KCNN3: variants seen among roughly 807,000 people sequenced by gnomAD.
The protein encoded by KCNN3 is potassium calcium-activated channel subfamily N member 3.
Under a neutral mutation model 62.9 loss-of-function variants are expected in KCNN3, and 16 were observed. The observed-to-expected ratio is 0.25, with a 90% CI of 0.17 to 0.39. The LOEUF (loss-of-function observed/expected upper bound fraction) is 0.39. KCNN3 is among the 10% of genes least tolerant of loss of function. The pLI is 1.00. For synonymous variants in KCNN3, 370 were observed against 389.2 expected (o/e 0.95, Z 0.58); for missense variants, 599 against 949.4 (o/e 0.63, Z 4.85).
chr1:154,736,365 G>GAC lies in KCNN3; in HGVS notation c.1449-3222_1449-3221insGT, dbSNP rs1160277695. Among the ~76,000 whole-genome samples the GAC allele has an allele frequency of 1.1e-4, 16 of 152,316 alleles. No individual in the cohort carries two copies. In the East Asian group the frequency reaches 3.1e-3, roughly 29 times the overall value. On this transcript the variant is annotated intron_variant, in intron 3 of 7. Transcript: ENST00000271915. ...ATTTACACGTGCAGTGGAGTGGTGA[G>GAC]GCATTCATGAAGATGTCTTGAAGTT...
chr1:154,712,168 C>T (rs1700093238), intron 7 of KCNN3, among the ~76,000 whole-genome samples: 1 of 152,194 alleles, frequency 6.6e-6, no homozygotes, highest in African/African-American at 2.4e-5. Flanking sequence ...CAGTTCCTTC[C>T]TGCAGTCTGG....
At chr1:154,750,050 A>G (rs957542485) in intron 3 of KCNN3, among the ~76,000 whole-genome samples, 1 of 152,214 alleles carries the variant, frequency 6.6e-6, no homozygotes, top group African/African-American at 2.4e-5. Context: ...TCCGGCCCCA[A>G]CTGCCCACAG....
At chr1:154,835,243 G>C (rs1651540266) in intron 1 of KCNN3, among the ~76,000 whole-genome samples, 1 of 152,226 alleles carries the variant, frequency 6.6e-6, no homozygotes, top group African/African-American at 2.4e-5. Flanking sequence ...TTACCCAGGA[G>C]AGTCCAGTGT....
In KCNN3 at chr1:154,708,190, G is replaced by A. The variant is rs763846307; in HGVS notation, c.1982C>T (p.Ser661Leu). 20 of 1,613,512 alleles carry A rather than the reference G, an allele frequency of 1.2e-5. No individual in the cohort carries two copies. The South Asian group carries it at 2.2e-4, about 18-fold the overall frequency. The part of the protein sequence containing the change: ...DLEKQIGSLE[S>L]KLEHLTASFN... ...GCTGGCGGTGAGATGCTCCAGCTTC[G>A]ACTCCAGGCTGCCAATCTGCTTCTC... is the stretch of plus-strand genomic sequence containing the variant. The change falls in exon 8 of 8, where the codon TCG (serine) becomes TTG (leucine). Residue 661 changes from serine (S) to leucine (L), a missense_variant. This residue lies in a region of KCNN3 where 288 missense variants were observed against 557.4 expected (regional missense o/e 0.52). Transcript: ENST00000271915.
chr1:154,723,549 A>T (rs997705779), intron 5 of KCNN3, among the ~76,000 whole-genome samples: 33 of 152,260 alleles, frequency 2.2e-4, no homozygotes, highest in Non-Finnish European at 1.5e-4. Flanking sequence ...AAAATTGTTT[A>T]TTTTCCTGGC....
At chr1:154,716,584 C>T (rs1700237944) in intron 5 of KCNN3, among the ~76,000 whole-genome samples, 1 of 152,174 alleles carries the variant, frequency 6.6e-6, no homozygotes, top group Non-Finnish European at 1.5e-5. Flanking sequence ...TTTTCATTGG[C>T]GCTGAAGTGA....
At chr1:154,776,260 G>A (rs1012401709) in intron 2 of KCNN3, among the ~76,000 whole-genome samples, 1 of 152,194 alleles carries the variant, frequency 6.6e-6, no homozygotes, top group Non-Finnish European at 1.5e-5. Context: ...CTCCAACAGG[G>A]GAACACTGAC....
chr1:154,719,148 G>C (rs975215306), intron 5 of KCNN3, among the ~76,000 whole-genome samples: 1 of 152,112 alleles, frequency 6.6e-6, no homozygotes, highest in African/African-American at 2.4e-5. Context: ...GCCTCCAGCA[G>C]CCCCAGGAGC....
intron 3 of KCNN3, among the ~76,000 whole-genome samples, chr1:154,749,958 C>T (rs1323075948): frequency 6.6e-6 from 1 of 152,192 alleles, no homozygotes; most frequent in Non-Finnish European, 1.5e-5. Context: ...CAGAAAGGCA[C>T]ATTTCCCTGC....
chr1:154,858,899 G>A (rs1362964039), intron 1 of KCNN3, among the ~76,000 whole-genome samples: 1 of 152,206 alleles, frequency 6.6e-6, no homozygotes, highest in East Asian at 1.9e-4. Context: ...TAAGGAGGAG[G>A]ATGGTCCTTT....
chr1:154,756,291 G>C (rs908654178), intron 3 of KCNN3, among the ~76,000 whole-genome samples: 3 of 152,010 alleles, frequency 2.0e-5, no homozygotes, highest in African/African-American at 7.3e-5. Flanking sequence ...TGAAAAGGAG[G>C]AGGAGGAGGA....
chr1:154,811,669 T>G (rs1017633515), intron 2 of KCNN3, among the ~76,000 whole-genome samples: 2 of 152,196 alleles, frequency 1.3e-5, no homozygotes, highest in African/African-American at 4.8e-5. Flanking sequence ...CTCGTCCAAT[T>G]GTTGGGTTTT....
At chr1:154,832,062 T>C (rs1023349033) in intron 1 of KCNN3, among the ~76,000 whole-genome samples, 2 of 152,108 alleles carry the variant, frequency 1.3e-5, no homozygotes, top group African/African-American at 2.4e-5. Flanking sequence ...CGGCCCACCC[T>C]GCTTTTCATA....
chr1:154,775,805 G>A (rs936126553), intron 2 of KCNN3, among the ~76,000 whole-genome samples: 1 of 152,212 alleles, frequency 6.6e-6, no homozygotes, highest in African/African-American at 2.4e-5. Flanking sequence ...GCTGCTCAAA[G>A]GGTTCCCTCT....
intron 1 of KCNN3, among the ~76,000 whole-genome samples, chr1:154,856,064 C>T (rs1652512312): frequency 1.3e-5 from 2 of 152,230 alleles, no homozygotes; most frequent in African/African-American, 2.4e-5. Context: ...GGGAAAAGTA[C>T]ATTTCTTTTC....
intron 4 of KCNN3, among the ~76,000 whole-genome samples, chr1:154,729,073 GT>G (rs1700534654): frequency 6.6e-6 from 1 of 152,190 alleles, no homozygotes; most frequent in African/African-American, 2.4e-5. Flanking sequence ...AGTGATGCAG[GT>G]TAGTTTTAAG....
At chr1:154,856,333 C>T (rs988306904) in intron 1 of KCNN3, among the ~76,000 whole-genome samples, 1 of 152,148 alleles carries the variant, frequency 6.6e-6, no homozygotes, top group Non-Finnish European at 1.5e-5. Context: ...CACAGGCTTT[C>T]GCTTGTGGGA....
At chr1:154,775,667 T>C (rs1211348136) in intron 2 of KCNN3, among the ~76,000 whole-genome samples, 1 of 139,622 alleles carries the variant, frequency 7.2e-6, no homozygotes, top group Non-Finnish European at 1.5e-5. Context: ...CAGGGAGCTG[T>C]CATCTCTGAA....
At chr1:154,807,888 G>A (rs1271524476) in intron 2 of KCNN3, among the ~76,000 whole-genome samples, 2 of 151,988 alleles carry the variant, frequency 1.3e-5, no homozygotes, top group Non-Finnish European at 2.9e-5. Context: ...TGTACCAGGT[G>A]GCTCTCATCT....
Sources: allele counts gnomAD v4.1 joint callset (sites outside exome capture counted in the v4.1 genomes callset), GRCh38; gene constraint gnomAD v4.1.1; regional missense constraint gnomAD v4.1.1; transcripts MANE v1.5; gene names NCBI Gene and HGNC (gene_info 2026-07-23, HGNC 2026-07-21).